The following SGSM1 variants were observed in gnomAD, a reference collection of about 807,000 sequenced individuals.
SGSM1 encodes the protein RUN and TBC1 domain containing 2.
In SGSM1, 73 loss-of-function variants were observed where a neutral mutation model predicts 133.8. The ratio of observed to expected loss-of-function variants is 0.55; its 90% CI spans 0.45 to 0.66. SGSM1 has a LOEUF of 0.66. Among genes scored for constraint, SGSM1 ranks in the 30% least tolerant of loss-of-function variants. The pLI is 0.00. For synonymous variants in SGSM1, 563 were observed against 573.0 expected (o/e 0.98, Z 0.25); for missense variants, 1,213 against 1,448.1 (o/e 0.84, Z 2.64).
At chr22:24,817,352 T>G (rs201042373) in intron 2 of SGSM1, among the ~76,000 whole-genome samples, 1,385 of 30,406 alleles carry the variant, frequency 0.046, 20 homozygotes, top group African/African-American at 0.09. Flanking sequence ...GATCCTCAGC[T>G]TTTTTTTTCT....
In SGSM1 at chr22:24,853,335, C is replaced by A. The variant is rs143731467; in HGVS notation, c.456-1661C>A. ...AATAAATCGCTTACCCTCTGTGGGC[C>A]TGAGATCCCTTGGGAGGTCAGAACA... On this transcript the variant is annotated intron_variant, in intron 5 of 24. Transcript: ENST00000400358. 1.6e-3 allele frequency among the ~76,000 whole-genome samples: 237 copies of A among 152,322 alleles called. 2 individuals are homozygous for A. The highest frequency in any genetic ancestry group is 5.8e-3 in the South Asian group (28 of 4,826).
chr22:24,829,746 C>T (rs139631), intron 2 of SGSM1, among the ~76,000 whole-genome samples: 42,344 of 151,992 alleles, frequency 0.28, 7,322 homozygotes, highest in African/African-American at 0.5. Flanking sequence ...TTTGGGGACT[C>T]ACATCATCTG....
chr22:24,874,976 A>T (rs1931958076), intron 12 of SGSM1, among the ~76,000 whole-genome samples: 1 of 152,232 alleles, frequency 6.6e-6, no homozygotes, highest in South Asian at 2.1e-4. Flanking sequence ...GTAACAAGCC[A>T]CATTTGGTGG....
intron 20 of SGSM1, among the ~76,000 whole-genome samples, chr22:24,902,201 C>G (rs1395141906): frequency 6.6e-6 from 1 of 152,180 alleles, no homozygotes; most frequent in East Asian, 1.9e-4. Context: ...CTCAACCCGA[C>G]GAGGTATTAA....
intron 21 of SGSM1, among the ~76,000 whole-genome samples, chr22:24,911,552 C>T (rs917150356): frequency 6.6e-6 from 1 of 152,050 alleles, no homozygotes; most frequent in African/African-American, 2.4e-5. Context: ...CTGACAAACA[C>T]GACCTCAGCC....
At chr22:24,837,497 C>T (rs912973310) in intron 2 of SGSM1, among the ~76,000 whole-genome samples, 8 of 151,400 alleles carry the variant, frequency 5.3e-5, no homozygotes, top group Non-Finnish European at 1.0e-4. Context: ...CAGATAACTG[C>T]GGGCGAGCCT....
intron 23 of SGSM1, 38 bp from the exon 24 acceptor site, chr22:24,919,788 C>A: frequency 6.2e-7 from 1 of 1,611,616 alleles, no homozygotes; most frequent in Non-Finnish European, 8.5e-7. Context: ...TGAGCCCCGT[C>A]ACCAATTCTC....
intron 3 of SGSM1, among the ~76,000 whole-genome samples, chr22:24,846,773 T>C (rs1428202786): frequency 6.6e-6 from 1 of 152,102 alleles, no homozygotes; most frequent in African/African-American, 2.4e-5. Context: ...ATCTAAGAGA[T>C]CATCTCCTCA....
At chr22:24,847,904 T>C in intron 4 of SGSM1, 108 bp downstream of exon 4, 1 of 1,409,106 alleles carries the variant, frequency 7.1e-7, no homozygotes. Context: ...TCAGTCTCCA[T>C]CCTGCTTCTC....
chr22:24,820,628 C>CTG (rs1928414318), intron 2 of SGSM1, among the ~76,000 whole-genome samples: 1 of 152,160 alleles, frequency 6.6e-6, no homozygotes, highest in African/African-American at 2.4e-5. Flanking sequence ...GTTACCTATG[C>CTG]TGTGTGGAAG....
chr22:24,878,372 G>A (rs935062431), intron 13 of SGSM1, among the ~76,000 whole-genome samples: 2 of 152,190 alleles, frequency 1.3e-5, no homozygotes, highest in African/African-American at 4.8e-5. Context: ...TGCAGAAAGC[G>A]AAGTCTACAG....
intron 20 of SGSM1, among the ~76,000 whole-genome samples, chr22:24,902,861 A>C (rs1933213797): frequency 6.6e-6 from 1 of 152,140 alleles, no homozygotes; most frequent in Admixed American, 6.5e-5. Context: ...GCAACATAAC[A>C]AGACCCCATC....
intron 2 of SGSM1, among the ~76,000 whole-genome samples, chr22:24,811,149 G>A (rs760924958): frequency 5.3e-5 from 8 of 152,112 alleles, no homozygotes; most frequent in Non-Finnish European, 8.8e-5. Flanking sequence ...ACAGTTGGGG[G>A]TGCTATCAGC....
At chr22:24,908,030 G>A (rs1225563457) in intron 21 of SGSM1, among the ~76,000 whole-genome samples, 2 of 151,504 alleles carry the variant, frequency 1.3e-5, no homozygotes, top group Non-Finnish European at 2.9e-5. Context: ...TAGATCAATG[G>A]AATAGAATTG....
rs948006993 is a variant in SGSM1, at chr22:24,901,413, C to G, written c.2611-420C>G. On this transcript the variant is annotated intron_variant, in intron 19 of 24. Coordinates refer to ENST00000400358, the MANE Select transcript of SGSM1 (RefSeq NM_001098497.3). Reference sequence around the variant, plus strand: ...CAGCTTTCCTTAAGGCAAAGGCCAGCTTTGGTGTTTTCTCACCTTTCTGAG... The same window carrying G: ...CAGCTTTCCTTAAGGCAAAGGCCAGGTTTGGTGTTTTCTCACCTTTCTGAG... 2.6e-5 allele frequency among the ~76,000 whole-genome samples: 4 copies of G among 152,148 alleles called. No individual in the cohort carries two copies. The East Asian group carries it at 5.8e-4, about 22-fold the overall frequency.
chr22:24,855,755 C>G (rs1930742270), intron 8 of SGSM1, 75 bp downstream of exon 8: 1 of 1,609,136 alleles, frequency 6.2e-7, no homozygotes, highest in African/African-American at 1.3e-5. Context: ...GTCTCTCTGG[C>G]TCCAGATTGC....
At position 24,847,903 on chromosome 22, in the gene SGSM1, A is replaced by G. The variant is rs1037848928; in HGVS notation, c.302+107A>G. The G allele has an allele frequency of 1.9e-5, 27 of 1,413,330 alleles. 1 individual carries two copies. In the East Asian group the frequency reaches 4.0e-4, roughly 21 times the overall value. The allele number at this position is 1,413,330 out of a possible 1,614,324, so 87.5% of individuals were successfully genotyped here. ...ACCCCTAGCACTCTTTTCAGTCTCC[A>G]TCCTGCTTCTCAAACCCACCAGACT... On this transcript the variant is annotated intron_variant, in intron 4 of 24. Coordinates refer to ENST00000400358, the MANE Select transcript of SGSM1 (RefSeq NM_001098497.3).
intron 4 of SGSM1, among the ~76,000 whole-genome samples, chr22:24,848,900 G>T (rs1391004967): frequency 6.6e-6 from 1 of 152,218 alleles, no homozygotes; most frequent in Non-Finnish European, 1.5e-5. Context: ...GGTGGTCAGA[G>T]CTCAGGATTT....
chr22:24,911,449 G>A (rs1472300529), intron 21 of SGSM1, among the ~76,000 whole-genome samples: 2 of 151,872 alleles, frequency 1.3e-5, no homozygotes, highest in Non-Finnish European at 2.9e-5. Flanking sequence ...GAACTACCAT[G>A]CCTGGCCAAC....
Sources: allele counts gnomAD v4.1 joint callset (sites outside exome capture counted in the v4.1 genomes callset), GRCh38; gene constraint gnomAD v4.1.1; transcripts MANE v1.5; gene names NCBI Gene and HGNC (gene_info 2026-07-23, HGNC 2026-07-21).